The following DMD variants were observed in gnomAD, a reference collection of about 807,000 sequenced individuals.
DMD encodes mutant dystrophin.
Under a neutral mutation model 330.1 loss-of-function variants are expected in DMD, and 63 were observed. That is an observed-to-expected ratio of 0.19 (90% CI 0.16 to 0.24). The LOEUF (loss-of-function observed/expected upper bound fraction) is 0.24. Among genes scored for constraint, DMD ranks in the 10% least tolerant of loss-of-function variants. The probability of loss-of-function intolerance (pLI) is 1.00; values close to 1 mark genes in which losing one functional copy is unlikely to be tolerated. For missense variants in DMD, 3,344 were observed against 2,684.1 expected (o/e 1.25, Z -5.43); for synonymous variants, 1,223 against 959.8 (o/e 1.27, Z -5.07).
chrX:32,126,552 A>T (rs947460352), intron 44 of DMD, among the ~76,000 whole-genome samples: 3 of 109,639 alleles, frequency 2.7e-5, no homozygotes, highest in Non-Finnish European at 5.6e-5. Context: ...CCTTAACCAG[A>T]TGTTTATACC....
chrX:31,241,539 A>C (rs928703082), intron 63 of DMD, among the ~76,000 whole-genome samples: 1 of 111,602 alleles, frequency 9.0e-6, no homozygotes, highest in African/African-American at 3.3e-5. Flanking sequence ...CTCAGTTTGC[A>C]ATTTCCTCTT....
At chrX:31,957,426 A>T (rs946332974) in intron 45 of DMD, among the ~76,000 whole-genome samples, 6 of 111,867 alleles carry the variant, frequency 5.4e-5, no homozygotes, top group Non-Finnish European at 1.1e-4. Context: ...GAGGCAGCAG[A>T]AAAAGGGTAA....
At chrX:32,807,075 C>A (rs759968589) in intron 7 of DMD, among the ~76,000 whole-genome samples, 95 of 45,435 alleles carry the variant, frequency 2.1e-3, no homozygotes, top group Non-Finnish European at 3.3e-3. Context: ...TAGCAGAAGA[C>A]AAGAAATAAC....
chrX:32,040,101 T>G (rs2095987362), intron 44 of DMD, among the ~76,000 whole-genome samples: 1 of 111,900 alleles, frequency 8.9e-6, no homozygotes, highest in Non-Finnish European at 1.9e-5. Context: ...ACAAGATAAA[T>G]AAAAAGTATT....
At chrX:33,249,931 T>C (rs193263025) in intron 1 of DMD, among the ~76,000 whole-genome samples, 1 of 109,432 alleles carries the variant, frequency 9.1e-6, no homozygotes, top group Non-Finnish European at 1.9e-5. Flanking sequence ...TTTTATTAAA[T>C]TTATTGGATT....
intron 1 of DMD, among the ~76,000 whole-genome samples, chrX:33,114,644 C>T (rs777528616): frequency 9.0e-6 from 1 of 111,341 alleles, no homozygotes; most frequent in Admixed American, 9.6e-5. Context: ...AAATAAGAAC[C>T]TCCTAGCTCA....
chrX:31,487,411 C>T (rs773657425), intron 57 of DMD, among the ~76,000 whole-genome samples: 1 of 110,869 alleles, frequency 9.0e-6, no homozygotes, highest in South Asian at 3.9e-4. Flanking sequence ...CAGGTGCCTG[C>T]TACCATGCCC....
At chrX:32,289,780 A>C (rs753862922) in intron 42 of DMD, among the ~76,000 whole-genome samples, 1 of 111,180 alleles carries the variant, frequency 9.0e-6, no homozygotes, top group African/African-American at 3.3e-5. Flanking sequence ...AATGGGAGAA[A>C]CCCTCAGTTC....
intron 51 of DMD, among the ~76,000 whole-genome samples, chrX:31,767,230 A>G (rs1251221643): frequency 1.8e-5 from 2 of 111,927 alleles, no homozygotes; most frequent in East Asian, 5.6e-4. Context: ...TTGTGCAGAA[A>G]TGAAATGATG....
intron 7 of DMD, among the ~76,000 whole-genome samples, chrX:32,789,909 C>T (rs1217171364): frequency 6.2e-5 from 7 of 112,121 alleles, no homozygotes; most frequent in Non-Finnish European, 9.4e-5. Flanking sequence ...GCAATATTAA[C>T]ATCTCACAAG....
intron 2 of DMD, among the ~76,000 whole-genome samples, chrX:32,927,522 C>T (rs2048691802): frequency 1.8e-5 from 2 of 109,543 alleles, no homozygotes; most frequent in Admixed American, 2.0e-4. Context: ...CCTCAGGTGA[C>T]CCGCTGCCTC....
intron 1 of DMD, among the ~76,000 whole-genome samples, chrX:33,181,950 A>T (rs1197039431): frequency 8.9e-6 from 1 of 112,020 alleles, no homozygotes; most frequent in Non-Finnish European, 1.9e-5. Context: ...ATAAGTGCCC[A>T]TCTGGCCAAG....
chrX:32,237,084 T>C (rs1049096049), intron 43 of DMD, among the ~76,000 whole-genome samples: 1 of 111,328 alleles, frequency 9.0e-6, no homozygotes, highest in African/African-American at 3.3e-5. Context: ...ATATATGTCT[T>C]TTTCTTTACA....
At chrX:32,645,254 T>A (rs1184425301) in intron 9 of DMD, 102 bp from the exon 10 acceptor site, 2 of 897,803 alleles carry the variant, frequency 2.2e-6, no homozygotes, top group Non-Finnish European at 3.1e-6. Context: ...ATGCTAGGAC[T>A]GTCCACTGGC....
At chrX:33,287,419 A>G (rs1422099240) in intron 1 of DMD, among the ~76,000 whole-genome samples, 1 of 110,571 alleles carries the variant, frequency 9.0e-6, no homozygotes, top group Non-Finnish European at 1.9e-5. Flanking sequence ...ACATTGTCAA[A>G]TGTCTTATTC....
intron 51 of DMD, among the ~76,000 whole-genome samples, chrX:31,771,003 G>A (rs1644243507): frequency 8.9e-6 from 1 of 111,743 alleles, no homozygotes; most frequent in African/African-American, 3.2e-5. Context: ...TAATAAAAAT[G>A]GATAGGTGTT....
At chrX:32,804,570 C>G (rs974574236) in intron 7 of DMD, among the ~76,000 whole-genome samples, 3 of 112,538 alleles carry the variant, frequency 2.7e-5, no homozygotes, top group African/African-American at 9.7e-5. Context: ...AACGTTCTTG[C>G]CTGCCGGCTC....
At chrX:32,642,797 T>G (rs1442958576) in intron 11 of DMD, among the ~76,000 whole-genome samples, 4 of 111,137 alleles carry the variant, frequency 3.6e-5, no homozygotes, top group African/African-American at 1.3e-4. Flanking sequence ...ATGAGAGCAT[T>G]TAGCCTCCAG....
At chrX:32,237,488 T>C (rs750724492) in intron 43 of DMD, among the ~76,000 whole-genome samples, 26 of 111,262 alleles carry the variant, frequency 2.3e-4, no homozygotes, top group Non-Finnish European at 4.3e-4. Context: ...CCACTTTGCA[T>C]CTTCCTCCCA....
Sources: allele counts gnomAD v4.1 joint callset (sites outside exome capture counted in the v4.1 genomes callset), GRCh38; gene constraint gnomAD v4.1.1; transcripts MANE v1.5; gene names NCBI Gene and HGNC (gene_info 2026-07-23, HGNC 2026-07-21).